CNTNAP5: variants seen among roughly 807,000 people sequenced by gnomAD.
CNTNAP5 encodes the protein contactin associated protein family member 5, also known as contactin-associated protein-like 5.
Under a neutral mutation model 150.2 loss-of-function variants are expected in CNTNAP5, and 72 were observed. That is an observed-to-expected ratio of 0.48 (90% CI 0.40 to 0.58). CNTNAP5 has a LOEUF of 0.58. Ranked by LOEUF, CNTNAP5 falls within the 20% of genes least tolerant of loss-of-function variation. The pLI, the probability that CNTNAP5 is intolerant of heterozygous loss-of-function variation, is 0.00. For missense variants in CNTNAP5, 1,636 were observed against 1,626.2 expected, an observed-to-expected ratio of 1.01 and a Z score of -0.10; for synonymous variants, 672 against 619.8, an observed-to-expected ratio of 1.08 and a Z score of -1.25.
chr2:124,621,983 T>C (rs1282834182), intron 12 of CNTNAP5, among the ~76,000 whole-genome samples: 1 of 152,146 alleles, frequency 6.6e-6, no homozygotes, highest in African/African-American at 2.4e-5. Context: ...TTAAGTTCAG[T>C]GCTACATATG....
At chr2:124,042,423 T>C (rs1472113504) in intron 1 of CNTNAP5, among the ~76,000 whole-genome samples, 1 of 152,156 alleles carries the variant, frequency 6.6e-6, no homozygotes, top group Non-Finnish European at 1.5e-5. Context: ...TTATTATACT[T>C]TTCATTATTT....
In CNTNAP5 at chr2:124,076,233, ATC is replaced by A; in HGVS notation, c.82+50505_82+50506del. Among the ~76,000 whole-genome samples, 2 of 152,212 alleles carry A rather than the reference ATC, an allele frequency of 1.3e-5. 1 individual carries two copies. Among genetic ancestry groups the A allele is most frequent in the South Asian group, 4.1e-4 (2 of 4,822 alleles). On this transcript the variant is annotated intron_variant, in intron 1 of 23. Coordinates refer to ENST00000682447, the MANE Select transcript of CNTNAP5 (RefSeq NM_001367498.1). ...TGTCTCGACTCGAACCCTGACTGTG[ATC>A]TCTGTCAATTAAGCTTCCTGGAAAT... is the stretch of plus-strand genomic sequence containing the variant.
In CNTNAP5 at chr2:124,524,404, G is replaced by T. The variant is rs766267486; in HGVS notation, c.1429G>T (p.Asp477Tyr). Residue 477 changes from aspartate to tyrosine, a missense_variant, in exon 9 of 24, where the codon GAC becomes TAC. Physicochemically the swap from Asp to Tyr is radical, Grantham distance 160. Coordinates refer to ENST00000682447, the MANE Select transcript of CNTNAP5 (RefSeq NM_001367498.1). ...TGATGAAGCAGCACCCCCGGCTCCA[G>T]ACAGCACTTGGGTGCAGATTTATTC... ...LDDEAAPPAP[D>Y]STWVQIYSGN... The T allele has an allele frequency of 3.1e-6, 5 of 1,613,766 alleles. No homozygotes were observed. In the South Asian group the frequency reaches 5.5e-5, roughly 18 times the overall value.
At chr2:124,082,147 A>G (rs1275990685) in intron 1 of CNTNAP5, among the ~76,000 whole-genome samples, 1 of 152,072 alleles carries the variant, frequency 6.6e-6, no homozygotes, top group African/African-American at 2.4e-5. Flanking sequence ...CAGGAGATTG[A>G]GACCATCCTG....
At chr2:124,520,706 C>T (rs1005843266) in intron 8 of CNTNAP5, among the ~76,000 whole-genome samples, 4 of 152,068 alleles carry the variant, frequency 2.6e-5, no homozygotes, top group Admixed American at 6.5e-5. Context: ...ATATCCTGCT[C>T]GTCTCTCCTA....
intron 13 of CNTNAP5, among the ~76,000 whole-genome samples, chr2:124,660,397 A>G (rs914512453): frequency 3.3e-5 from 5 of 152,228 alleles, no homozygotes; most frequent in Non-Finnish European, 7.3e-5. Context: ...ACTGGTTTCA[A>G]TGAACCAAGT....
intron 12 of CNTNAP5, among the ~76,000 whole-genome samples, chr2:124,623,794 C>T (rs977758830): frequency 5.9e-5 from 9 of 152,174 alleles, no homozygotes; most frequent in Admixed American, 2.6e-4. Context: ...GCATTGTTTC[C>T]TGGTTGAGAC....
chr2:124,697,973 A>T (rs1391496159), intron 13 of CNTNAP5, among the ~76,000 whole-genome samples: 4 of 152,118 alleles, frequency 2.6e-5, no homozygotes, highest in African/African-American at 9.7e-5. Context: ...CAGAGGATGG[A>T]CTCATAGAAA....
intron 3 of CNTNAP5, among the ~76,000 whole-genome samples, chr2:124,260,761 T>C (rs538565001): frequency 2.0e-4 from 30 of 152,284 alleles, no homozygotes; most frequent in African/African-American, 7.2e-4. Context: ...GAAACATTCA[T>C]TCATTCACAG....
Position 124,028,164 on chromosome 2 carries a change from A to C in CNTNAP5, c.82+2432A>C, listed in dbSNP as rs373160981. Reference sequence around the variant, plus strand: ...CGTGACATTTGTGACAGTAGCCTTGAAAATGGATTTACTAACCCAATATTT... The same window carrying C: ...CGTGACATTTGTGACAGTAGCCTTGCAAATGGATTTACTAACCCAATATTT... On this transcript the variant is annotated intron_variant, in intron 1 of 23. Coordinates refer to ENST00000682447, the MANE Select transcript of CNTNAP5 (RefSeq NM_001367498.1). Among the ~76,000 whole-genome samples, 17 of 152,294 alleles carry C rather than the reference A, an allele frequency of 1.1e-4. No individual in the cohort carries two copies. In the East Asian group the frequency reaches 3.1e-3, roughly 28 times the overall value.
chr2:124,343,256 A>G (rs747947239), intron 3 of CNTNAP5, among the ~76,000 whole-genome samples: 1 of 152,236 alleles, frequency 6.6e-6, no homozygotes, highest in Non-Finnish European at 1.5e-5. Flanking sequence ...CTTAAGACAT[A>G]TCAGAGATCT....
intron 21 of CNTNAP5, among the ~76,000 whole-genome samples, chr2:124,872,055 C>A (rs1677760673): frequency 2.0e-5 from 3 of 152,024 alleles, no homozygotes; most frequent in Non-Finnish European, 4.4e-5. Context: ...GCATTCTGGG[C>A]AATTCATTTG....
chr2:124,465,951 T>C (rs575320604), intron 6 of CNTNAP5, among the ~76,000 whole-genome samples: 21 of 152,184 alleles, frequency 1.4e-4, no homozygotes, highest in African/African-American at 2.2e-4. Context: ...GTAGGCATCA[T>C]TGAGATGGTG....
intron 10 of CNTNAP5, among the ~76,000 whole-genome samples, chr2:124,538,550 GAGAAAGAAAGAAAAGAA>G (rs1413090912): frequency 8.2e-6 from 1 of 122,058 alleles, no homozygotes; most frequent in Non-Finnish European, 1.7e-5. Flanking sequence ...GAAAGAAAGA[GAGAAAGAAAGAAAAGAA>G]AGAAAGAAAG....
chr2:124,561,043 G>T (rs115277859), intron 10 of CNTNAP5, among the ~76,000 whole-genome samples: 2,470 of 151,808 alleles, frequency 0.016, 65 homozygotes, highest in African/African-American at 0.056. Context: ...GCAATTTCTT[G>T]TTTTGTTGGG....
chr2:124,792,922 C>G (rs1184475466), intron 18 of CNTNAP5, among the ~76,000 whole-genome samples: 3 of 152,146 alleles, frequency 2.0e-5, no homozygotes, highest in African/African-American at 7.2e-5. Flanking sequence ...TTTGTTTATC[C>G]ATTCATCCAT....
intron 19 of CNTNAP5, among the ~76,000 whole-genome samples, chr2:124,825,368 G>T (rs1682570698): frequency 6.6e-6 from 1 of 152,142 alleles, no homozygotes; most frequent in African/African-American, 2.4e-5. Flanking sequence ...TAACACAGGG[G>T]ATGTTTCTAT....
chr2:124,150,962 A>G (rs955421809), intron 1 of CNTNAP5, among the ~76,000 whole-genome samples: 1 of 152,178 alleles, frequency 6.6e-6, no homozygotes. Flanking sequence ...TAAAATGCCT[A>G]TTTAACACCT....
intron 10 of CNTNAP5, among the ~76,000 whole-genome samples, chr2:124,551,876 T>C (rs1167775398): frequency 6.6e-6 from 1 of 152,200 alleles, no homozygotes; most frequent in Non-Finnish European, 1.5e-5. Context: ...ACACTGAGTA[T>C]ATTTTTTAAT....
Sources: gnomAD v4.1 joint callset for allele counts (sites outside exome capture counted in the v4.1 genomes callset) on GRCh38, gnomAD v4.1.1 for gene constraint, MANE v1.5 for transcripts, NCBI Gene and HGNC (gene_info 2026-07-23, HGNC 2026-07-21) for gene names.